The following ADAMTSL3 variants were observed in gnomAD, a reference collection of about 807,000 sequenced individuals.
The protein encoded by ADAMTSL3 is ADAMTS-like protein 3.
In ADAMTSL3, 128 loss-of-function variants were observed where a neutral mutation model predicts 201.7. The observed-to-expected ratio is 0.63, with a 90% confidence interval of 0.55 to 0.73. ADAMTSL3 has a LOEUF of 0.73. Among genes scored for constraint, ADAMTSL3 ranks in the 30% least tolerant of loss-of-function variants. The probability of loss-of-function intolerance (pLI) is 0.00; values close to 1 mark genes in which losing one functional copy is unlikely to be tolerated. For missense variants in ADAMTSL3, 1,990 were observed against 2,119.6 expected (o/e 0.94, Z 1.20); for synonymous variants, 738 against 748.4 (o/e 0.99, Z 0.23).
chr15:83,827,158 C>G (rs927106945), intron 6 of ADAMTSL3, among the ~76,000 whole-genome samples: 168 of 152,302 alleles, frequency 1.1e-3, no homozygotes, highest in Non-Finnish European at 1.8e-3. Flanking sequence ...TTCTCCACAT[C>G]CTCTCCAGCA....
intron 2 of ADAMTSL3, among the ~76,000 whole-genome samples, chr15:83,690,853 C>G (rs1276110302): frequency 6.6e-6 from 1 of 152,196 alleles, no homozygotes; most frequent in Non-Finnish European, 1.5e-5. Context: ...TGTACAGCTT[C>G]TTACAGTTTA....
At chr15:83,947,764 C>T (rs927260066) in intron 19 of ADAMTSL3, among the ~76,000 whole-genome samples, 1 of 152,202 alleles carries the variant, frequency 6.6e-6, no homozygotes, top group Non-Finnish European at 1.5e-5. Context: ...CATTGCTACA[C>T]TTTTCCACTG....
intron 4 of ADAMTSL3, among the ~76,000 whole-genome samples, chr15:83,782,856 T>A (rs2141794203): frequency 6.6e-6 from 1 of 151,504 alleles, no homozygotes; most frequent in South Asian, 2.1e-4. Flanking sequence ...AGCCTGCACA[T>A]GTACCTCTGA....
At position 83,924,000 on chromosome 15, in the gene ADAMTSL3, G is replaced by C. The variant is rs568284210; in HGVS notation, c.2084G>C (p.Ser695Thr). The change falls in exon 17 of 30, where the codon AGC becomes ACC. Residue 695 changes from serine to threonine, a missense_variant. Coordinates refer to ENST00000286744, the MANE Select transcript of ADAMTSL3 (RefSeq NM_207517.3). ...ATGGTCCACCGTCCTCCAGCCATGA[G>C]CCAGGCCTGTAACACAGAGCCCTGT... ...CDMVHRPPAMSQACNTEPCPP... is the reference protein window; with the variant it reads ...CDMVHRPPAMTQACNTEPCPP... The C allele has an allele frequency of 3.0e-5, 48 of 1,614,126 alleles. No homozygotes were observed. The South Asian group carries it at 4.9e-4, about 17-fold the overall frequency.
Position 83,971,019 on chromosome 15 carries a change from T to G in ADAMTSL3, c.2644+382T>G, listed in dbSNP as rs953958225. On this transcript the variant is annotated intron_variant, in intron 20 of 29. Transcript: ENST00000286744. ...TAATTAAAAGTAGAAGAGCTACGTA[T>G]TTTTAAGCATTCAAGTATTTTTTCT... 2.5e-4 allele frequency among the ~76,000 whole-genome samples: 38 copies of G among 152,224 alleles called. 1 individual carries two copies. Among genetic ancestry groups the G allele is most frequent in the Non-Finnish European group, 3.2e-4 (22 of 68,036 alleles).
chr15:83,922,775 A>G (rs1465945772), intron 16 of ADAMTSL3, among the ~76,000 whole-genome samples: 1 of 152,208 alleles, frequency 6.6e-6, no homozygotes, highest in Admixed American at 6.5e-5. Flanking sequence ...GGCCAATACT[A>G]CATCCTGTAA....
chr15:83,840,339 G>A (rs184333676), intron 7 of ADAMTSL3, among the ~76,000 whole-genome samples: 2 of 152,308 alleles, frequency 1.3e-5, no homozygotes, highest in African/African-American at 4.8e-5. Context: ...GCAATTTGAA[G>A]GTCATTTGTG....
intron 6 of ADAMTSL3, among the ~76,000 whole-genome samples, chr15:83,827,319 T>G (rs1247566298): frequency 2.0e-5 from 3 of 152,246 alleles, no homozygotes; most frequent in Non-Finnish European, 4.4e-5. Flanking sequence ...TTTTGAGAAG[T>G]GTCTGTTTAT....
At chr15:83,833,608 A>G (rs781284573) in intron 6 of ADAMTSL3, among the ~76,000 whole-genome samples, 2 of 152,190 alleles carry the variant, frequency 1.3e-5, no homozygotes, top group Non-Finnish European at 2.9e-5. Flanking sequence ...CAATTTCTTA[A>G]TTATTGGGCT....
At chr15:83,931,397 T>C (rs1293821261) in intron 17 of ADAMTSL3, among the ~76,000 whole-genome samples, 1 of 152,358 alleles carries the variant, frequency 6.6e-6, no homozygotes, top group African/African-American at 2.4e-5. Context: ...TTTATCTAGC[T>C]ATACACTTGC....
intron 19 of ADAMTSL3, 66 bp from the exon 20 acceptor site, chr15:83,970,418 T>G: frequency 6.3e-7 from 1 of 1,589,730 alleles, no homozygotes; most frequent in Non-Finnish European, 8.6e-7. Context: ...TTGGAGACTT[T>G]GCTGTTGTTG....
intron 3 of ADAMTSL3, among the ~76,000 whole-genome samples, chr15:83,713,682 T>C (rs2061962727): frequency 6.6e-6 from 1 of 152,218 alleles, no homozygotes; most frequent in Admixed American, 6.5e-5. Flanking sequence ...AGAAAAGACT[T>C]CGCCGATTCT....
intron 7 of ADAMTSL3, among the ~76,000 whole-genome samples, chr15:83,841,998 G>A (rs909763518): frequency 3.3e-5 from 5 of 151,292 alleles, no homozygotes; most frequent in Non-Finnish European, 5.9e-5. Context: ...GCTGCTAAGC[G>A]ACCCGACTCC....
rs1387091884 is a variant in ADAMTSL3 at position 83,982,469 on chromosome 15, G to A, written c.2841G>A (p.Glu947=). 6.2e-7 allele frequency: 1 copy of A among 1,614,204 alleles called. No individual in the cohort carries two copies. The highest frequency in any genetic ancestry group is 2.2e-5 in the East Asian group (1 of 44,876). ...RRFQKSLIQW[E]KDGRCLQNSK... ...TCCAGAAATCTCTGATCCAGTGGGA[G>A]AAGGATGGCCGTTGCCTGCAGAACT... Residue 947 remains glutamate, a synonymous_variant, in exon 21 of 30, where the codon GAG becomes GAA. Transcript: ENST00000286744.
intron 3 of ADAMTSL3, among the ~76,000 whole-genome samples, chr15:83,710,216 C>G (rs1468799539): frequency 6.6e-6 from 1 of 152,158 alleles, no homozygotes; most frequent in African/African-American, 2.4e-5. Flanking sequence ...CAGGCCATCC[C>G]TTCTCCCTGG....
chr15:83,928,251 G>C (rs994348792), intron 17 of ADAMTSL3, among the ~76,000 whole-genome samples: 59 of 152,096 alleles, frequency 3.9e-4, no homozygotes, highest in African/African-American at 1.4e-3. Flanking sequence ...CTGGGCTCAA[G>C]ACATCCTCTC....
At chr15:84,005,302 C>A (rs1596526712) in intron 23 of ADAMTSL3, among the ~76,000 whole-genome samples, 2 of 152,246 alleles carry the variant, frequency 1.3e-5, no homozygotes, top group East Asian at 3.9e-4. Context: ...ATCTATATCC[C>A]AATGTTATCT....
intron 8 of ADAMTSL3, among the ~76,000 whole-genome samples, chr15:83,866,424 C>T (rs1390398991): frequency 1.2e-4 from 18 of 152,130 alleles, no homozygotes; most frequent in Admixed American, 1.2e-3. Flanking sequence ...GAATACTATG[C>T]AGCCATAAAA....
chr15:83,869,096 A>T (rs1040871342), intron 8 of ADAMTSL3, among the ~76,000 whole-genome samples: 1 of 152,196 alleles, frequency 6.6e-6, no homozygotes, highest in African/African-American at 2.4e-5. Flanking sequence ...AATTTAATCA[A>T]GTCATTTCAG....
Sources: allele counts gnomAD v4.1 joint callset (sites outside exome capture counted in the v4.1 genomes callset), GRCh38; gene constraint gnomAD v4.1.1; transcripts MANE v1.5; gene names NCBI Gene and HGNC (gene_info 2026-07-23, HGNC 2026-07-21).